The following TNS1 variants were observed in gnomAD, a reference collection of about 807,000 sequenced individuals.
TNS1 encodes the protein tensin 1.
Under a neutral mutation model 168.6 loss-of-function variants are expected in TNS1, and 62 were observed. The ratio of observed to expected loss-of-function variants is 0.37; its 90% confidence interval spans 0.30 to 0.45. The LOEUF is 0.45. Ranked by LOEUF, TNS1 falls within the 20% of genes least tolerant of loss-of-function variation. The pLI, the probability that TNS1 is intolerant of heterozygous loss-of-function variation, is 1.00. For missense variants in TNS1, 2,240 were observed against 2,339.4 expected (o/e 0.96, Z 0.88); for synonymous variants, 934 against 933.2 (o/e 1.00, Z -0.02).
chr2:217,896,324 C>A lies in TNS1; in HGVS notation c.544-1268G>T, dbSNP rs190260029. ...TCCACCCAGAACTTCAGAATACAAC[C>A]TTATTTGGAAATAGTGCCTTTGCCA... On this transcript the variant is annotated intron_variant, in intron 8 of 32. Transcript: ENST00000682258. 3.9e-5 allele frequency among the ~76,000 whole-genome samples: 6 copies of A among 152,298 alleles called. No homozygotes were observed. In the East Asian group the frequency reaches 1.2e-3, roughly 29 times the overall value.
At chr2:217,831,025 G>A (rs1203520406) in intron 22 of TNS1, among the ~76,000 whole-genome samples, 1 of 152,182 alleles carries the variant, frequency 6.6e-6, no homozygotes, top group Non-Finnish European at 1.5e-5. Flanking sequence ...CAGCTGGGCT[G>A]CCAGCAGAGG....
At chr2:217,829,493 C>T (rs1944098905) in intron 22 of TNS1, among the ~76,000 whole-genome samples, 1 of 152,220 alleles carries the variant, frequency 6.6e-6, no homozygotes, top group Non-Finnish European at 1.5e-5. Flanking sequence ...ATCTGAGTCC[C>T]TCCCTGTCTA....
intron 19 of TNS1, among the ~76,000 whole-genome samples, chr2:217,840,972 G>A (rs1945872447): frequency 6.6e-6 from 1 of 152,200 alleles, no homozygotes. Context: ...GGATGGAGAA[G>A]TAAGTGAGGA....
chr2:217,963,663 C>G (rs1188589978), intron 3 of TNS1, among the ~76,000 whole-genome samples: 1 of 151,588 alleles, frequency 6.6e-6, no homozygotes, highest in Admixed American at 6.6e-5. Flanking sequence ...TGATGGATAT[C>G]CCAATTACAC....
At chr2:217,976,014 TC>T (rs1304953148) in intron 3 of TNS1, among the ~76,000 whole-genome samples, 1 of 152,096 alleles carries the variant, frequency 6.6e-6, no homozygotes, top group African/African-American at 2.4e-5. Flanking sequence ...AACAAGTTCC[TC>T]TCACCTCAGG....
At chr2:217,841,496 T>C (rs908863748) in intron 19 of TNS1, among the ~76,000 whole-genome samples, 1 of 152,084 alleles carries the variant, frequency 6.6e-6, no homozygotes, top group African/African-American at 2.4e-5. Flanking sequence ...CTCTGGTATC[T>C]GGGCACACAC....
Position 217,880,976 on chromosome 2 carries a change from C to T in TNS1, c.1351G>A (p.Asp451Asn), listed in dbSNP as rs1457092831. 2.5e-6 allele frequency: 4 copies of T among 1,613,936 alleles called. No homozygotes were observed. The highest frequency in any genetic ancestry group is 2.2e-5 in the South Asian group (2 of 91,072). Residue 451 changes from aspartate (D) to asparagine (N), a missense_variant, in exon 18 of 33, where the codon GAC becomes AAC. Transcript: ENST00000682258. This position sits in a 1 kb window ranked among gnomAD's most constrained non-coding sequence, Gnocchi z 4.2. ...HLENGPSVSVDYNTSDPLIRW... is the reference protein window; with the variant it reads ...HLENGPSVSVNYNTSDPLIRW... ...ATGAGGGGGTCGGAGGTGTTATAGT[C>T]CACAGACACGCTCGGCCCGTTCTCC...
At chr2:218,024,988 C>T (rs1328620512) in intron 1 of TNS1, among the ~76,000 whole-genome samples, 1 of 152,188 alleles carries the variant, frequency 6.6e-6, no homozygotes, top group African/African-American at 2.4e-5. Flanking sequence ...CAAGAGCCAG[C>T]CTAATGGCAG....
chr2:217,855,078 T>G (rs930123944), intron 18 of TNS1, among the ~76,000 whole-genome samples: 1 of 152,084 alleles, frequency 6.6e-6, no homozygotes, highest in Non-Finnish European at 1.5e-5. Context: ...CTCTCTACTT[T>G]TCCTCTCTCC....
At chr2:217,906,142 G>A (rs917413756) in intron 6 of TNS1, among the ~76,000 whole-genome samples, 193 bp downstream of exon 6, 6 of 152,186 alleles carry the variant, frequency 3.9e-5, no homozygotes, top group Admixed American at 1.3e-4. Flanking sequence ...TCTGGATCTC[G>A]CTTAGATGGA....
In TNS1 at chr2:217,880,961, C is replaced by G; in HGVS notation, c.1366G>C (p.Asp456His). 6.2e-7 allele frequency: 1 copy of G among 1,614,036 alleles called. No individual in the cohort carries two copies. Among genetic ancestry groups the G allele is most frequent in the Non-Finnish European group, 8.5e-7 (1 of 1,180,020 alleles). Reference protein sequence around the residue: ...PSVSVDYNTSDPLIRWDSYDN... With the variant: ...PSVSVDYNTSHPLIRWDSYDN... The stretch of plus-strand genomic sequence containing the variant: ...TAGGAGTCCCAGCGGATGAGGGGGT[C>G]GGAGGTGTTATAGTCCACAGACACG... The change falls in exon 18 of 33, where the codon GAC (aspartate) becomes CAC (histidine). Residue 456 changes from aspartate (D) to histidine (H), a missense_variant. Physicochemically the swap from Asp to His is moderately conservative, Grantham distance 81 (BLOSUM62 -1). This residue lies in a region of TNS1 where 2,131 missense variants were observed against 2,171.2 expected (regional missense o/e 0.98). Coordinates refer to ENST00000682258, the MANE Select transcript of TNS1 (RefSeq NM_001387777.1). This position sits in a 1 kb window ranked among gnomAD's most constrained non-coding sequence, Gnocchi z 4.2.
chr2:218,013,398 G>A (rs930032889), upstream of TNS1, among the ~76,000 whole-genome samples: 1 of 152,186 alleles, frequency 6.6e-6, no homozygotes, highest in Non-Finnish European at 1.5e-5. Flanking sequence ...ATGTATTAGA[G>A]GCCAAAACAT....
intron 19 of TNS1, among the ~76,000 whole-genome samples, chr2:217,837,109 C>T (rs1049755621): frequency 2.0e-5 from 3 of 152,268 alleles, no homozygotes; most frequent in East Asian, 3.9e-4. Context: ...CAGCCTGAAG[C>T]GTGGGCTTCT....
At chr2:217,967,434 A>G (rs985617953) in intron 3 of TNS1, among the ~76,000 whole-genome samples, 5 of 152,188 alleles carry the variant, frequency 3.3e-5, no homozygotes, top group African/African-American at 1.2e-4. Flanking sequence ...CTTCAGCTAG[A>G]TTGATTAAGA....
intron 4 of TNS1, among the ~76,000 whole-genome samples, chr2:217,915,763 T>C (rs1954940104): frequency 6.6e-6 from 1 of 152,238 alleles, no homozygotes; most frequent in African/African-American, 2.4e-5. Context: ...GCCCTGCCAC[T>C]GCGAGCTGTG....
intron 6 of TNS1, chr2:217,901,905 C>T (rs1183263789): frequency 6.6e-6 from 1 of 152,354 alleles, no homozygotes; most frequent in African/African-American, 2.4e-5. Flanking sequence ...GAGGGGGACC[C>T]TCCATCCAGC....
rs370875243 is a variant in TNS1 at position 217,998,518 on chromosome 2, T to C, written c.33+4322A>G. The stretch of plus-strand genomic sequence containing the variant: ...GAACTTTCCCAGGGCCTTTCCTCCA[T>C]GGCCCTGGGCCTTGCTCTGTCGCCT... On this transcript the variant is annotated intron_variant, in intron 1 of 32. Transcript: ENST00000682258. Among the ~76,000 whole-genome samples the C allele has an allele frequency of 3.9e-5, 6 of 152,154 alleles. No homozygotes were observed. In the East Asian group the frequency reaches 7.7e-4, roughly 20 times the overall value.
At chr2:218,027,031 G>A (rs1958854349) in intron 1 of TNS1, among the ~76,000 whole-genome samples, 1 of 152,132 alleles carries the variant, frequency 6.6e-6, no homozygotes, top group Admixed American at 6.6e-5. Flanking sequence ...GGAGGAGGAA[G>A]GGCAGCCGGC....
chr2:217,915,193 T>C (rs142722469), intron 4 of TNS1, among the ~76,000 whole-genome samples: 61 of 152,354 alleles, frequency 4.0e-4, no homozygotes, highest in African/African-American at 1.4e-3. Flanking sequence ...TCACCCTTGA[T>C]GGAGCGAGCC....
Sources: allele counts gnomAD v4.1 joint callset (sites outside exome capture counted in the v4.1 genomes callset), GRCh38; gene constraint gnomAD v4.1.1; regional missense constraint gnomAD v4.1.1; non-coding constraint Gnocchi (gnomAD v3.1); transcripts MANE v1.5; gene names NCBI Gene and HGNC (gene_info 2026-07-23, HGNC 2026-07-21).